DHX32: variants seen among roughly 807,000 people sequenced by gnomAD.
The protein encoded by DHX32 is putative pre-mRNA-splicing factor ATP-dependent RNA helicase DHX32.
A neutral mutation model predicts 70.0 loss-of-function variants in DHX32; 51 were observed. The observed-to-expected ratio is 0.73, with a 90% CI of 0.58 to 0.92. The LOEUF is 0.92. Ranked by LOEUF, DHX32 falls within the 40% of genes least tolerant of loss-of-function variation. DHX32 has a pLI of 0.00. For synonymous variants in DHX32, 310 were observed against 315.3 expected (o/e 0.98, Z 0.18); for missense variants, 762 against 891.8 (o/e 0.85, Z 1.85).
chr10:125,890,393 T>C (rs1944363471), intron 1 of DHX32, among the ~76,000 whole-genome samples: 1 of 152,268 alleles, frequency 6.6e-6, no homozygotes, highest in Non-Finnish European at 1.5e-5. Context: ...ATATCCTATT[T>C]GGTTTCCAGT....
chr10:125,894,239 T>TA (rs1338409443), intron 1 of DHX32, among the ~76,000 whole-genome samples: 3 of 152,238 alleles, frequency 2.0e-5, no homozygotes, highest in Non-Finnish European at 2.9e-5. Flanking sequence ...CCTATCTCAT[T>TA]AGCAACTTTC....
chr10:125,892,790 T>G (rs137911430), intron 1 of DHX32, among the ~76,000 whole-genome samples: 125 of 143,652 alleles, frequency 8.7e-4, no homozygotes, highest in East Asian at 2.6e-3. Flanking sequence ...ATAATCACAT[T>G]TATCTTGATT....
At chr10:125,862,035 G>C (rs968127701) in intron 2 of DHX32, among the ~76,000 whole-genome samples, 2 of 152,014 alleles carry the variant, frequency 1.3e-5, no homozygotes, top group Admixed American at 1.3e-4. Context: ...AATCTTCAAA[G>C]TAGATATTGC....
intron 6 of DHX32, among the ~76,000 whole-genome samples, chr10:125,846,432 G>C (rs73381238): frequency 0.022 from 3,420 of 152,266 alleles, 129 homozygotes; most frequent in African/African-American, 0.077. Flanking sequence ...TTTGGTGTTG[G>C]TTCATGATTT....
intron 1 of DHX32, among the ~76,000 whole-genome samples, chr10:125,872,404 T>G (rs1944261070): frequency 6.6e-6 from 1 of 152,200 alleles, no homozygotes; most frequent in African/African-American, 2.4e-5. Flanking sequence ...TTTAACTTTT[T>G]TCAGAGAAAC....
intron 1 of DHX32, among the ~76,000 whole-genome samples, chr10:125,892,751 G>A (rs145536880): frequency 3.4e-3 from 457 of 133,234 alleles, no homozygotes; most frequent in African/African-American, 5.7e-3. Flanking sequence ...AGTTCATTAC[G>A]ACATACAAGA....
At chr10:125,855,397 G>A (rs946802899) in intron 3 of DHX32, among the ~76,000 whole-genome samples, 1 of 150,872 alleles carries the variant, frequency 6.6e-6, no homozygotes, top group African/African-American at 2.4e-5. Context: ...TTGGAAAGGG[G>A]TATTTGATTC....
chr10:125,874,079 A>C (rs1398881795), intron 1 of DHX32, among the ~76,000 whole-genome samples: 1 of 152,222 alleles, frequency 6.6e-6, no homozygotes, highest in East Asian at 1.9e-4. Context: ...CTGTCTGCAA[A>C]AAATGTAATA....
At chr10:125,851,937 A>AG (rs1178038942) in intron 6 of DHX32, among the ~76,000 whole-genome samples, 16 of 151,252 alleles carry the variant, frequency 1.1e-4, no homozygotes, top group Non-Finnish European at 1.2e-4. Flanking sequence ...AAAAAAAAAA[A>AG]AAAAGAAAAG....
In DHX32 at chr10:125,852,312, A is replaced by G; in HGVS notation, c.1332T>C (p.Cys444=). The G allele has an allele frequency of 6.2e-7, 1 of 1,614,158 alleles. No individual in the cohort carries two copies. ...GGCTACCTGGTCTGTTCATGAAGTC[A>G]CAGTGGCCTAGGCCCGCAATGTCTA... ...KRIDIAGLGH[C]DFMNRPAPES... is the part of the protein sequence containing the mutation. Residue 444 remains cysteine, a synonymous_variant, in exon 6 of 11, where the codon TGT becomes TGC. Transcript: ENST00000284690.
chr10:125,842,171 G>A (rs1236335447), intron 6 of DHX32: 1 of 496,972 alleles, frequency 2.0e-6, no homozygotes, highest in Non-Finnish European at 3.3e-6. Context: ...CAGCTGCAGT[G>A]TGCATGCGGG....
intron 1 of DHX32, among the ~76,000 whole-genome samples, chr10:125,874,231 C>T (rs1944271416): frequency 6.6e-6 from 1 of 152,146 alleles, no homozygotes; most frequent in Admixed American, 6.5e-5. Context: ...AACAAGAAAA[C>T]AGTCTCGCAA....
chr10:125,890,480 T>A (rs1207735932), intron 1 of DHX32: 1 of 152,240 alleles, frequency 6.6e-6, no homozygotes, highest in Non-Finnish European at 1.5e-5. Context: ...TCTAGACTTG[T>A]AACGAGTTGA....
intron 2 of DHX32, among the ~76,000 whole-genome samples, chr10:125,863,738 C>T (rs189583366): frequency 2.2e-4 from 34 of 152,268 alleles, no homozygotes; most frequent in African/African-American, 4.3e-4. Context: ...CGTGAGCCAC[C>T]GTGCCCGGCC....
upstream of DHX32, among the ~76,000 whole-genome samples, chr10:125,883,869 C>T (rs1037119764): frequency 1.3e-5 from 2 of 152,174 alleles, no homozygotes; most frequent in Non-Finnish European, 2.9e-5. Flanking sequence ...TCTCCTGGAG[C>T]CCTGCTCTTC....
intron 1 of DHX32, among the ~76,000 whole-genome samples, chr10:125,871,558 C>T (rs1944255856): frequency 6.6e-6 from 1 of 152,174 alleles, no homozygotes. Context: ...AAAAGGTTAT[C>T]TCCAGCCAGA....
chr10:125,860,116 G>T, intron 2 of DHX32, 141 bp from the exon 3 acceptor site: 2 of 704,430 alleles, frequency 2.8e-6, no homozygotes, highest in Non-Finnish European at 4.5e-6. Context: ...ATTCCTTTAA[G>T]TTGATACAAT....
chr10:125,895,543 C>T (rs1944461865), intron 1 of DHX32, among the ~76,000 whole-genome samples: 1 of 152,212 alleles, frequency 6.6e-6, no homozygotes, highest in African/African-American at 2.4e-5. Flanking sequence ...TTACAACCTA[C>T]CAGATAATAA....
intron 2 of DHX32, among the ~76,000 whole-genome samples, chr10:125,864,676 A>G (rs1459059301): frequency 6.6e-6 from 1 of 152,130 alleles, no homozygotes; most frequent in East Asian, 1.9e-4. Context: ...CGCCTGTAAT[A>G]CCAGCACTTT....
Sources: allele counts gnomAD v4.1 joint callset (sites outside exome capture counted in the v4.1 genomes callset), GRCh38; gene constraint gnomAD v4.1.1; transcripts MANE v1.5; gene names NCBI Gene and HGNC (gene_info 2026-07-23, HGNC 2026-07-21).